The following TMED10 variants were observed in gnomAD, a reference collection of about 807,000 sequenced individuals.
TMED10 encodes transmembrane p24 trafficking protein 10.
A neutral mutation model predicts 23.1 loss-of-function variants in TMED10; 7 were observed. That is an observed-to-expected ratio of 0.30 (90% confidence interval 0.17 to 0.57). The LOEUF is 0.57. TMED10 is among the 20% of genes least tolerant of loss of function. TMED10 has a pLI of 0.91. For synonymous variants in TMED10, 113 were observed against 106.9 expected, an observed-to-expected ratio of 1.06 and a Z score of -0.35; for missense variants, 162 against 274.8, an observed-to-expected ratio of 0.59 and a Z score of 2.90.
chr14:75,153,531 G>A (rs907504881), intron 1 of TMED10, among the ~76,000 whole-genome samples: 11 of 152,294 alleles, frequency 7.2e-5, no homozygotes, highest in Non-Finnish European at 2.9e-5. Flanking sequence ...TCTAGAGCAC[G>A]TGGCTGTCTT....
At chr14:75,141,246 C>T (rs891724615) in intron 3 of TMED10, among the ~76,000 whole-genome samples, 8 of 152,122 alleles carry the variant, frequency 5.3e-5, no homozygotes, top group African/African-American at 1.2e-4. Flanking sequence ...GCATTCAAGG[C>T]TGAGGGGAAC....
chr14:75,174,188 A>G (rs1392411281), intron 1 of TMED10, among the ~76,000 whole-genome samples: 1 of 152,170 alleles, frequency 6.6e-6, no homozygotes, highest in East Asian at 1.9e-4. Flanking sequence ...AATAGTTCCT[A>G]CCCTGAGGAT....
chr14:75,148,864 C>T (rs1271418251), intron 2 of TMED10, among the ~76,000 whole-genome samples: 1 of 152,210 alleles, frequency 6.6e-6, no homozygotes, highest in African/African-American at 2.4e-5. Flanking sequence ...GAAACTTAAT[C>T]CCCAATGCAA....
intron 1 of TMED10, among the ~76,000 whole-genome samples, chr14:75,155,350 G>C (rs1350480665): frequency 1.3e-5 from 2 of 152,206 alleles, no homozygotes; most frequent in Non-Finnish European, 2.9e-5. Flanking sequence ...AAGGGCTTAT[G>C]AGTCTAAATG....
chr14:75,162,513 T>C (rs1266832355), intron 1 of TMED10, among the ~76,000 whole-genome samples: 1 of 152,208 alleles, frequency 6.6e-6, no homozygotes, highest in Non-Finnish European at 1.5e-5. Context: ...AAATAATTTA[T>C]GTAGGCACCC....
In TMED10 at chr14:75,142,844, T is replaced by C. The variant is rs183901229; in HGVS notation, c.411+4820A>G. Among the ~76,000 whole-genome samples the C allele has an allele frequency of 7.2e-5, 11 of 152,194 alleles. No individual in the cohort carries two copies. The East Asian group carries it at 1.5e-3, about 21-fold the overall frequency. On this transcript the variant is annotated intron_variant, in intron 3 of 4. Coordinates refer to ENST00000303575, the MANE Select transcript of TMED10 (RefSeq NM_006827.6). ...TCTTGTATACTAAAAGCACTCTGCATTGATTTTTTTTCTTTCTTTTTTTTA... is the reference window on the plus strand; with the variant it reads ...TCTTGTATACTAAAAGCACTCTGCACTGATTTTTTTTCTTTCTTTTTTTTA...
intron 1 of TMED10, among the ~76,000 whole-genome samples, chr14:75,164,900 A>T (rs1392097919): frequency 4.6e-5 from 7 of 151,858 alleles, no homozygotes; most frequent in Non-Finnish European, 1.0e-4. Context: ...AAATGAAAGG[A>T]TACAAAATGC....
intron 1 of TMED10, among the ~76,000 whole-genome samples, chr14:75,157,061 C>T (rs1896029072): frequency 6.6e-6 from 1 of 152,180 alleles, no homozygotes; most frequent in Non-Finnish European, 1.5e-5. Flanking sequence ...ACTAACATCA[C>T]ATAGAATGAC....
intron 1 of TMED10, among the ~76,000 whole-genome samples, chr14:75,157,644 TG>T (rs35075992): frequency 3.8e-5 from 2 of 52,880 alleles, no homozygotes; most frequent in Non-Finnish European, 1.0e-4. Context: ...AGTGAGAACA[TG>T]TCTCAATAAA....
chr14:75,139,133 T>TG (rs1429934841), intron 3 of TMED10: 20 of 453,486 alleles, frequency 4.4e-5, no homozygotes, highest in Non-Finnish European at 7.1e-5. Context: ...ATAAACTTGA[T>TG]GTATTATCTT....
chr14:75,148,037 G>A, intron 2 of TMED10: 1 of 446,284 alleles, frequency 2.2e-6, no homozygotes, highest in Admixed American at 3.4e-5. Flanking sequence ...GAACAGAACA[G>A]AAGGGAAACC....
Position 75,137,991 on chromosome 14 carries a change from G to A in TMED10, c.412-2105C>T, listed in dbSNP as rs534317176. On this transcript the variant is annotated intron_variant, in intron 3 of 4. Coordinates refer to ENST00000303575, the MANE Select transcript of TMED10 (RefSeq NM_006827.6). ...CCCAAAGTGCTGGGATTACAGGCGT[G>A]AGCCACTGCACCTGGCCTTAATAAT... Among the ~76,000 whole-genome samples the A allele has an allele frequency of 2.2e-3, 332 of 152,230 alleles. 1 individual carries two copies. Among genetic ancestry groups the A allele is most frequent in the African/African-American group, 7.4e-3 (307 of 41,536 alleles).
intron 2 of TMED10, among the ~76,000 whole-genome samples, chr14:75,149,642 C>T (rs1362536265): frequency 6.6e-6 from 1 of 152,112 alleles, no homozygotes; most frequent in Non-Finnish European, 1.5e-5. Context: ...CAGACAATTC[C>T]AATATGGAGC....
At chr14:75,150,150 G>A (rs1050096110) in intron 2 of TMED10, among the ~76,000 whole-genome samples, 9 of 152,084 alleles carry the variant, frequency 5.9e-5, no homozygotes, top group Non-Finnish European at 7.4e-5. Context: ...AGATTAACTC[G>A]AAAGCAAGAG....
chr14:75,154,695 G>GAGA (rs1440019556), intron 1 of TMED10, among the ~76,000 whole-genome samples: 10 of 151,726 alleles, frequency 6.6e-5, no homozygotes, highest in Non-Finnish European at 1.3e-4. Context: ...ACAGAGTCTC[G>GAGA]CTCTGTCACC....
intron 3 of TMED10, among the ~76,000 whole-genome samples, chr14:75,141,186 C>G (rs944464382): frequency 1.3e-5 from 2 of 152,114 alleles, no homozygotes; most frequent in African/African-American, 4.8e-5. Flanking sequence ...TGAAGCTTAA[C>G]AGGAAGTGGG....
chr14:75,160,916 C>T (rs547211224), intron 1 of TMED10, among the ~76,000 whole-genome samples: 2 of 152,138 alleles, frequency 1.3e-5, no homozygotes, highest in South Asian at 2.1e-4. Context: ...TGGTGGCAGG[C>T]GCGTGTAATC....
At chr14:75,138,363 G>A (rs1277777073) in intron 3 of TMED10, among the ~76,000 whole-genome samples, 1 of 152,206 alleles carries the variant, frequency 6.6e-6, no homozygotes, top group African/African-American at 2.4e-5. Flanking sequence ...TTTGTAAAAT[G>A]TTGGCTAGAG....
chr14:75,176,086 AG>A, intron 1 of TMED10: 1 of 533,520 alleles, frequency 1.9e-6, no homozygotes, highest in Non-Finnish European at 3.4e-6. Context: ...AAACTGGTAT[AG>A]GACGTTGACA....
Sources: gnomAD v4.1 joint callset for allele counts (sites outside exome capture counted in the v4.1 genomes callset) on GRCh38, gnomAD v4.1.1 for gene constraint, MANE v1.5 for transcripts, NCBI Gene and HGNC (gene_info 2026-07-23, HGNC 2026-07-21) for gene names.